Variants in FSTL5 observed in about 807,000 individuals in gnomAD.
The protein encoded by FSTL5 is follistatin like 5.
FSTL5 carries 62 observed loss-of-function variants against 89.1 expected under a neutral mutation model. The ratio of observed to expected loss-of-function variants is 0.70; its 90% CI spans 0.57 to 0.86. The LOEUF is 0.86. Ranked by LOEUF, FSTL5 falls within the 40% of genes least tolerant of loss-of-function variation. The pLI is 0.00. For missense variants in FSTL5, 1,057 were observed against 1,001.6 expected (o/e 1.06, Z -0.75); for synonymous variants, 383 against 346.2 (o/e 1.11, Z -1.18).
chr4:162,144,362 A>C (rs1243439458), intron 1 of FSTL5, among the ~76,000 whole-genome samples: 1 of 152,166 alleles, frequency 6.6e-6, no homozygotes, highest in Non-Finnish European at 1.5e-5. Context: ...TTTGCATTTT[A>C]ATGCACTAAG....
intron 3 of FSTL5, among the ~76,000 whole-genome samples, chr4:161,977,842 A>G (rs1019903915): frequency 6.6e-6 from 1 of 151,908 alleles, no homozygotes; most frequent in Non-Finnish European, 1.5e-5. Flanking sequence ...AAAAGGTTCC[A>G]TTGGTGAAAT....
chr4:161,729,055 C>G (rs1739514020), intron 6 of FSTL5, among the ~76,000 whole-genome samples: 2 of 152,124 alleles, frequency 1.3e-5, no homozygotes, highest in African/African-American at 4.8e-5. Context: ...CAGAGACCAA[C>G]TCTTCCTGAG....
At chr4:161,643,468 G>T (rs553810794) in intron 7 of FSTL5, among the ~76,000 whole-genome samples, 142 of 137,862 alleles carry the variant, frequency 1.0e-3, no homozygotes, top group Middle Eastern at 4.0e-3. Flanking sequence ...TAAATGTAAC[G>T]GAGTTTTTTT....
intron 7 of FSTL5, among the ~76,000 whole-genome samples, chr4:161,606,607 C>A (rs909968412): frequency 3.3e-5 from 5 of 152,080 alleles, no homozygotes; most frequent in African/African-American, 1.2e-4. Flanking sequence ...AGATTTCTTT[C>A]TCAGTTGATC....
At chr4:161,715,196 G>A (rs1738933612) in intron 6 of FSTL5, among the ~76,000 whole-genome samples, 1 of 152,036 alleles carries the variant, frequency 6.6e-6, no homozygotes, top group Non-Finnish European at 1.5e-5. Flanking sequence ...CATATATGTA[G>A]GTTTTACACT....
intron 3 of FSTL5, among the ~76,000 whole-genome samples, chr4:161,934,790 G>A (rs2110905164): frequency 6.6e-6 from 1 of 152,130 alleles, no homozygotes; most frequent in South Asian, 2.1e-4. Flanking sequence ...GTGTCTTTCA[G>A]CACCTTAATG....
chr4:161,813,030 CTT>C (rs372383502), intron 4 of FSTL5, among the ~76,000 whole-genome samples: 27 of 141,140 alleles, frequency 1.9e-4, no homozygotes, highest in Non-Finnish European at 1.9e-4. Flanking sequence ...TGAAAGATCC[CTT>C]TTTTTTTTTT....
At chr4:162,000,596 TAA>T (rs757799699) in intron 3 of FSTL5, among the ~76,000 whole-genome samples, 5 of 138,996 alleles carry the variant, frequency 3.6e-5, no homozygotes, top group Admixed American at 7.3e-5. Flanking sequence ...AGACTCAGTC[TAA>T]AAAAAAAAAA....
intron 2 of FSTL5, among the ~76,000 whole-genome samples, chr4:162,084,249 C>A (rs1730217042): frequency 6.6e-6 from 1 of 151,862 alleles, no homozygotes; most frequent in Non-Finnish European, 1.5e-5. Flanking sequence ...AACGTCTATA[C>A]AATACTTATT....
chr4:161,756,759 T>C (rs1474470680), intron 6 of FSTL5, among the ~76,000 whole-genome samples: 1 of 152,144 alleles, frequency 6.6e-6, no homozygotes, highest in Non-Finnish European at 1.5e-5. Context: ...CTGGCTATCA[T>C]AAAAATAACA....
In FSTL5 at chr4:161,719,116, A is replaced by G. The variant is rs533807435; in HGVS notation, c.727+40295T>C. On this transcript the variant is annotated intron_variant, in intron 6 of 15. Coordinates refer to ENST00000306100, the MANE Select transcript of FSTL5 (RefSeq NM_020116.5). ...TTTTAAATCATTAAAACCTGAGTTA[A>G]TTTACATAAATGCATGAGATAAGAG... Among the ~76,000 whole-genome samples, 9 of 152,316 alleles carry G rather than the reference A, an allele frequency of 5.9e-5. No homozygotes were observed. In the South Asian group the frequency reaches 6.2e-4, roughly 11 times the overall value.
intron 4 of FSTL5, among the ~76,000 whole-genome samples, chr4:161,850,972 A>C (rs1355472228): frequency 6.6e-6 from 1 of 152,184 alleles, no homozygotes; most frequent in Non-Finnish European, 1.5e-5. Context: ...TGATCTGTGC[A>C]ACAAACCACC....
At chr4:162,036,457 C>G (rs1578971724) in intron 2 of FSTL5, among the ~76,000 whole-genome samples, 2 of 151,968 alleles carry the variant, frequency 1.3e-5, no homozygotes, top group East Asian at 3.9e-4. Flanking sequence ...GACTATAATT[C>G]CAAGGATTCA....
chr4:161,708,148 C>G (rs1242981320), intron 6 of FSTL5, among the ~76,000 whole-genome samples: 1 of 151,986 alleles, frequency 6.6e-6, no homozygotes, highest in Non-Finnish European at 1.5e-5. Flanking sequence ...AAATAAGAGG[C>G]AAATAAAACA....
intron 12 of FSTL5, among the ~76,000 whole-genome samples, chr4:161,498,528 T>C (rs1357349661): frequency 6.6e-6 from 1 of 152,208 alleles, no homozygotes; most frequent in Non-Finnish European, 1.5e-5. Context: ...AGTTTTGTGA[T>C]GAAGAGTATG....
intron 7 of FSTL5, among the ~76,000 whole-genome samples, chr4:161,607,865 A>G (rs13148215): frequency 0.17 from 26,247 of 152,140 alleles, 2,364 homozygotes; most frequent in Middle Eastern, 0.32. Context: ...TCCTTAAGCT[A>G]TAGTGGATGA....
chr4:161,770,649 C>T (rs775869709), intron 5 of FSTL5, among the ~76,000 whole-genome samples: 12 of 151,614 alleles, frequency 7.9e-5, no homozygotes, highest in East Asian at 5.8e-4. Context: ...TTCAAGACAA[C>T]GTTTTCATTA....
chr4:161,663,062 G>A (rs1050278971), intron 6 of FSTL5, among the ~76,000 whole-genome samples: 3 of 152,018 alleles, frequency 2.0e-5, no homozygotes, highest in Non-Finnish European at 2.9e-5. Context: ...AGGAAAGACC[G>A]GCCCCCATGA....
Position 161,656,411 on chromosome 4 carries a change from C to T in FSTL5, c.811G>A (p.Ala271Thr). 1 of 1,611,722 alleles carries T rather than the reference C, an allele frequency of 6.2e-7. No homozygotes were observed. The highest frequency in any genetic ancestry group is 8.5e-7 in the Non-Finnish European group (1 of 1,178,368). Residue 271 changes from alanine (A) to threonine (T), a missense_variant, in exon 7 of 16, where the codon GCC (alanine) becomes ACC (threonine). Coordinates refer to ENST00000306100, the MANE Select transcript of FSTL5 (RefSeq NM_020116.5). ...TVGQSAVLSC[A>T]IQGTLRPPII... is the part of the protein sequence containing the mutation. ...GGAGGTCTCAGGGTTCCTTGAATGG[C>T]ACAGCTCAGAACAGCACTTTGTCCC...
Sources: allele counts gnomAD v4.1 joint callset (sites outside exome capture counted in the v4.1 genomes callset), GRCh38; gene constraint gnomAD v4.1.1; transcripts MANE v1.5; gene names NCBI Gene and HGNC (gene_info 2026-07-23, HGNC 2026-07-21).